The following GLIS3 variants were observed in gnomAD, a reference collection of about 807,000 sequenced individuals.
GLIS3 encodes zinc finger protein GLIS3.
GLIS3 carries 53 observed loss-of-function variants against 78.6 expected under a neutral mutation model. That is an observed-to-expected ratio of 0.67 (90% CI 0.54 to 0.85). The LOEUF is 0.85. Among genes scored for constraint, GLIS3 ranks in the 40% least tolerant of loss-of-function variants. GLIS3 has a pLI of 0.00. For synonymous variants in GLIS3, 684 were observed against 509.9 expected (o/e 1.34, Z -4.60); for missense variants, 1,703 against 1,231.1 (o/e 1.38, Z -5.74).
the GLIS3 span, among the ~76,000 whole-genome samples, chr9:4,445,905 T>C: frequency 2.0e-5 from 3 of 152,232 alleles, no homozygotes; most frequent in East Asian, 1.9e-4. Context: ...AGAGGACAGA[T>C]AGAATTTGTC....
chr9:4,488,487 T>C, the GLIS3 span, among the ~76,000 whole-genome samples: 1 of 152,062 alleles, frequency 6.6e-6, no homozygotes, highest in Non-Finnish European at 1.5e-5. Flanking sequence ...GTTTTTTTAC[T>C]GTGGGACAAA....
intron 4 of GLIS3, among the ~76,000 whole-genome samples, chr9:4,061,125 T>A (rs981456232): frequency 6.6e-6 from 1 of 152,116 alleles, no homozygotes; most frequent in Non-Finnish European, 1.5e-5. Flanking sequence ...TGCAGGTTTG[T>A]TACATATGTA....
chr9:3,976,885 T>A (rs1241048963), intron 4 of GLIS3, among the ~76,000 whole-genome samples: 11 of 129,356 alleles, frequency 8.5e-5, no homozygotes, highest in African/African-American at 3.1e-4. Context: ...AAAAAAAAGC[T>A]TCTGACAAGA....
chr9:4,469,104 C>A, the GLIS3 span, among the ~76,000 whole-genome samples: 1 of 152,172 alleles, frequency 6.6e-6, no homozygotes. Flanking sequence ...AATATATATG[C>A]ACCCAATATG....
chr9:4,375,400 T>C, the GLIS3 span, among the ~76,000 whole-genome samples: 1 of 152,234 alleles, frequency 6.6e-6, no homozygotes, highest in Non-Finnish European at 1.5e-5. Context: ...GTTTCCTTTA[T>C]ACCTTTAATG....
chr9:4,483,501 C>CCT, the GLIS3 span, among the ~76,000 whole-genome samples: 1 of 151,978 alleles, frequency 6.6e-6, no homozygotes, highest in Admixed American at 6.6e-5. Context: ...GGGCAGATCA[C>CCT]GAGGTCAGGA....
chr9:4,306,234 G>C (rs2130507966), intron 4 of GLIS3, among the ~76,000 whole-genome samples: 1 of 142,498 alleles, frequency 7.0e-6, no homozygotes, highest in East Asian at 2.1e-4. Flanking sequence ...TGCGTGCCCA[G>C]CTAATTTCTT....
At chr9:3,881,293 A>G (rs1821713253) in intron 7 of GLIS3, among the ~76,000 whole-genome samples, 1 of 152,082 alleles carries the variant, frequency 6.6e-6, no homozygotes, top group Admixed American at 6.5e-5. Context: ...TTCCTGCTTC[A>G]GTGTAGAAAT....
At chr9:3,842,539 A>G (rs1818786841) in intron 9 of GLIS3, among the ~76,000 whole-genome samples, 1 of 152,146 alleles carries the variant, frequency 6.6e-6, no homozygotes, top group Non-Finnish European at 1.5e-5. Context: ...AGTCACAGGC[A>G]AATTGCTTCC....
At chr9:4,084,358 T>G (rs1250064359) in intron 4 of GLIS3, among the ~76,000 whole-genome samples, 1 of 152,044 alleles carries the variant, frequency 6.6e-6, no homozygotes, top group East Asian at 1.9e-4. Flanking sequence ...TGCGGTTCTC[T>G]ACATTTGAAG....
At chr9:4,320,822 G>A (rs917543197) in intron 2 of GLIS3, among the ~76,000 whole-genome samples, 1 of 152,116 alleles carries the variant, frequency 6.6e-6, no homozygotes, top group African/African-American at 2.4e-5. Flanking sequence ...GTCTTAAGAA[G>A]GCTTCCTAAG....
chr9:4,069,150 T>A (rs921264215), intron 4 of GLIS3, among the ~76,000 whole-genome samples: 1 of 152,172 alleles, frequency 6.6e-6, no homozygotes, highest in Admixed American at 6.5e-5. Context: ...CTGTTGAATA[T>A]GTAGGAACCT....
At chr9:3,972,065 T>C (rs1818420858) in intron 4 of GLIS3, among the ~76,000 whole-genome samples, 1 of 152,156 alleles carries the variant, frequency 6.6e-6, no homozygotes, top group Non-Finnish European at 1.5e-5. Flanking sequence ...CGTGTTAGCA[T>C]TTCGTATCTC....
chr9:4,208,521 G>A (rs1820079294), intron 2 of GLIS3, among the ~76,000 whole-genome samples: 1 of 152,170 alleles, frequency 6.6e-6, no homozygotes, highest in Non-Finnish European at 1.5e-5. Context: ...GCTCTCTTCT[G>A]CCATTGCTGG....
At chr9:4,298,593 C>T (rs977766761) in intron 1 of GLIS3, 16 of 294,886 alleles carry the variant, frequency 5.4e-5, no homozygotes, top group Middle Eastern at 8.1e-4. Flanking sequence ...CACACAGGGT[C>T]ATTTATAGGG....
intron 2 of GLIS3, among the ~76,000 whole-genome samples, chr9:4,265,902 T>C (rs960749541): frequency 1.1e-5 from 1 of 93,932 alleles, no homozygotes; most frequent in Non-Finnish European, 2.0e-5. Flanking sequence ...CCCTGGTTTT[T>C]TTTTTGTTTG....
At chr9:4,431,959 A>G in the GLIS3 span, among the ~76,000 whole-genome samples, 1 of 152,156 alleles carries the variant, frequency 6.6e-6, no homozygotes, top group Admixed American at 6.5e-5. Flanking sequence ...CATAGGCAAT[A>G]TGTACATGAA....
the GLIS3 span, among the ~76,000 whole-genome samples, chr9:4,468,810 C>T: frequency 6.6e-6 from 1 of 152,084 alleles, no homozygotes; most frequent in African/African-American, 2.4e-5. Context: ...TGTAAATGGG[C>T]TAAATGCTCC....
At chr9:4,277,715 T>A (rs887239172) in intron 2 of GLIS3, among the ~76,000 whole-genome samples, 1 of 152,206 alleles carries the variant, frequency 6.6e-6, no homozygotes, top group Admixed American at 6.5e-5. Flanking sequence ...TCTTCCCAAT[T>A]ATATATTCCT....
Sources: allele counts gnomAD v4.1 joint callset (sites outside exome capture counted in the v4.1 genomes callset), GRCh38; gene constraint gnomAD v4.1.1; transcripts MANE v1.5; gene names NCBI Gene and HGNC (gene_info 2026-07-23, HGNC 2026-07-21).